The following GHR variants were observed in gnomAD, a reference collection of about 807,000 sequenced individuals.
GHR encodes GH receptor.
Under a neutral mutation model 67.1 loss-of-function variants are expected in GHR, and 35 were observed. The observed-to-expected ratio is 0.52, with a 90% CI of 0.40 to 0.69. The LOEUF is 0.69. Among genes scored for constraint, GHR ranks in the 30% least tolerant of loss-of-function variants. GHR has a pLI of 0.00. For synonymous variants in GHR, 272 were observed against 269.1 expected, an observed-to-expected ratio of 1.01 and a Z score of -0.10; for missense variants, 792 against 764.6, an observed-to-expected ratio of 1.04 and a Z score of -0.42.
intron 1 of GHR, among the ~76,000 whole-genome samples, chr5:42,471,290 A>G (rs968831532): frequency 6.6e-6 from 1 of 152,184 alleles, no homozygotes; most frequent in African/African-American, 2.4e-5. Context: ...AGGAATTCAA[A>G]TCAACTCAAG....
chr5:42,689,126 A>T, intron 4 of GHR, 107 bp downstream of exon 4: 1 of 978,738 alleles, frequency 1.0e-6, no homozygotes, highest in Non-Finnish European at 1.7e-6. Context: ...TGATTTATGC[A>T]ATCAATGAAT....
intron 1 of GHR, among the ~76,000 whole-genome samples, chr5:42,488,819 C>T (rs1745991160): frequency 1.3e-5 from 2 of 152,184 alleles, no homozygotes; most frequent in Admixed American, 1.3e-4. Flanking sequence ...ATGGGTAGTG[C>T]TCACCATCTA....
chr5:42,482,682 A>G (rs1745703138), intron 1 of GHR, among the ~76,000 whole-genome samples: 1 of 152,214 alleles, frequency 6.6e-6, no homozygotes, highest in Admixed American at 6.5e-5. Flanking sequence ...CCTCCGAGCC[A>G]GGTGCGGGAT....
intron 2 of GHR, among the ~76,000 whole-genome samples, chr5:42,610,673 A>T (rs1013883053): frequency 6.6e-6 from 1 of 152,088 alleles, no homozygotes; most frequent in Non-Finnish European, 1.5e-5. Flanking sequence ...GTGGAAAAAA[A>T]AAAAGGAGAG....
intron 1 of GHR, among the ~76,000 whole-genome samples, chr5:42,553,368 G>A (rs1295390448): frequency 3.9e-5 from 6 of 152,146 alleles, no homozygotes; most frequent in Admixed American, 3.9e-4. Flanking sequence ...CTGTCAGCTG[G>A]GAGCCAGTTT....
rs79199014 is a variant in GHR, at chr5:42,683,942, G to A, written c.137-4948G>A. On this transcript the variant is annotated intron_variant, in intron 3 of 9. Transcript: ENST00000230882. Reference sequence around the variant, plus strand: ...GTTTAAGTAATCAAAATGTGTTTCAGATTAGTTATTTTTTCTTTTTAAGTT... The same window carrying A: ...GTTTAAGTAATCAAAATGTGTTTCAAATTAGTTATTTTTTCTTTTTAAGTT... Among the ~76,000 whole-genome samples, 267 of 151,868 alleles carry A rather than the reference G, an allele frequency of 1.8e-3. 1 individual carries two copies. Among genetic ancestry groups the A allele is most frequent in the African/African-American group, 6.2e-3 (258 of 41,414 alleles).
At chr5:42,641,846 C>A (rs183467807) in intron 3 of GHR, among the ~76,000 whole-genome samples, 3 of 152,216 alleles carry the variant, frequency 2.0e-5, no homozygotes, top group African/African-American at 7.2e-5. Flanking sequence ...GGAATATACA[C>A]CAATTCCTTC....
rs576768541 is a variant in GHR, at chr5:42,666,308, A to T, written c.137-22582A>T. On this transcript the variant is annotated intron_variant, in intron 3 of 9. Coordinates refer to ENST00000230882, the MANE Select transcript of GHR (RefSeq NM_000163.5). ...AACAAAGTAGGTTATTTATCCCAAT[A>T]TATCCAAACTATTATCATTTTGACA... Among the ~76,000 whole-genome samples the T allele has an allele frequency of 9.9e-5, 15 of 152,274 alleles. 1 individual carries two copies. In the South Asian group the frequency reaches 3.1e-3, roughly 32 times the overall value.
rs1742700369 is a variant in GHR at position 42,423,463 on chromosome 5, C to T, written c.-504C>T. 6.6e-6 allele frequency among the ~76,000 whole-genome samples: 1 copy of T among 152,206 alleles called. No individual in the cohort carries two copies. The highest frequency in any genetic ancestry group is 2.4e-5 in the African/African-American group (1 of 41,462). On this transcript the variant is annotated 5_prime_UTR_variant, in exon 1 of 10. Transcript: ENST00000230882. The stretch of plus-strand genomic sequence containing the variant: ...CAGTTGAGAGTGACACGCACCAACT[C>T]CAGCTCCTCGCCGGGAAGACTTCAT...
chr5:42,642,418 A>G (rs1275956106), intron 3 of GHR, among the ~76,000 whole-genome samples: 1 of 152,056 alleles, frequency 6.6e-6, no homozygotes, highest in Non-Finnish European at 1.5e-5. Context: ...CTTTATGATT[A>G]CTTTCTCTAC....
intron 5 of GHR, among the ~76,000 whole-genome samples, chr5:42,698,907 A>G: frequency 6.6e-6 from 1 of 152,236 alleles, no homozygotes; most frequent in East Asian, 1.9e-4. Context: ...TTTGGAATCC[A>G]TATTTTTCTT....
chr5:42,543,741 AATT>A (rs1231605172), intron 1 of GHR, among the ~76,000 whole-genome samples: 1 of 152,092 alleles, frequency 6.6e-6, no homozygotes, highest in African/African-American at 2.4e-5. Context: ...AAACTCAATC[AATT>A]ATTCGATTTT....
At chr5:42,667,194 G>A (rs921870857) in intron 3 of GHR, among the ~76,000 whole-genome samples, 4 of 152,138 alleles carry the variant, frequency 2.6e-5, no homozygotes, top group Non-Finnish European at 5.9e-5. Flanking sequence ...GGAATTTAAG[G>A]TCGAACCTCC....
At chr5:42,716,651 T>C (rs1230650290) in intron 8 of GHR, among the ~76,000 whole-genome samples, 2 of 152,228 alleles carry the variant, frequency 1.3e-5, no homozygotes, top group African/African-American at 4.8e-5. Flanking sequence ...AAAATGATAG[T>C]AGTTATTATT....
At position 42,455,896 on chromosome 5, in the gene GHR, G is replaced by A. The variant is rs567229887; in HGVS notation, c.-12+31941G>A. Reference sequence around the variant, plus strand: ...CTTAGATCTGTGTTCTTTTTCTCCCGCTGGCTATAGGTTGCTTTAATCTCT... The same window carrying A: ...CTTAGATCTGTGTTCTTTTTCTCCCACTGGCTATAGGTTGCTTTAATCTCT... On this transcript the variant is annotated intron_variant, in intron 1 of 9. Transcript: ENST00000230882. Among the ~76,000 whole-genome samples the A allele has an allele frequency of 1.1e-4, 17 of 152,256 alleles. No individual in the cohort carries two copies. The East Asian group carries it at 1.9e-3, about 17-fold the overall frequency.
At chr5:42,692,777 C>A (rs2111686835) in intron 4 of GHR, among the ~76,000 whole-genome samples, 1 of 152,216 alleles carries the variant, frequency 6.6e-6, no homozygotes, top group African/African-American at 2.4e-5. Context: ...AAATCCAGAC[C>A]TGTTAAGCAC....
chr5:42,468,777 C>T, intron 1 of GHR: 1 of 1,088,046 alleles, frequency 9.2e-7, no homozygotes, highest in East Asian at 2.5e-5. Flanking sequence ...CTGCCTTCAG[C>T]ACCTCGAAGG....
intron 1 of GHR, among the ~76,000 whole-genome samples, chr5:42,513,038 A>G (rs1441935865): frequency 2.6e-5 from 4 of 152,204 alleles, no homozygotes; most frequent in African/African-American, 9.7e-5. Flanking sequence ...TTAGAAGTTT[A>G]TGATTAAAAC....
intron 1 of GHR, among the ~76,000 whole-genome samples, chr5:42,447,794 A>G (rs1743878508): frequency 7.0e-6 from 1 of 142,496 alleles, no homozygotes; most frequent in African/African-American, 2.6e-5. Context: ...CTCTTTCTCT[A>G]GCCCTGCCAC....
Sources: gnomAD v4.1 joint callset for allele counts (sites outside exome capture counted in the v4.1 genomes callset) on GRCh38, gnomAD v4.1.1 for gene constraint, MANE v1.5 for transcripts, NCBI Gene and HGNC (gene_info 2026-07-23, HGNC 2026-07-21) for gene names.